The following CUL3 variants were observed in gnomAD, a reference collection of about 807,000 sequenced individuals.
CUL3 encodes the protein cullin-3.
CUL3 carries 19 observed loss-of-function variants against 89.1 expected under a neutral mutation model. The observed-to-expected ratio is 0.21, with a 90% CI of 0.15 to 0.31. The LOEUF is 0.31. Among genes scored for constraint, CUL3 ranks in the 10% least tolerant of loss-of-function variants. CUL3 has a pLI of 1.00. For missense variants in CUL3, 469 were observed against 942.3 expected (o/e 0.50, Z 6.58); for synonymous variants, 351 against 308.4 (o/e 1.14, Z -1.45).
intron 5 of CUL3, among the ~76,000 whole-genome samples, chr2:224,512,221 G>A (rs1483690583): frequency 6.6e-6 from 1 of 151,390 alleles, no homozygotes; most frequent in Non-Finnish European, 1.5e-5. Context: ...TCAGCCTCCC[G>A]AGTAGCTGGG....
chr2:224,581,768 C>A (rs1470842478), intron 1 of CUL3, among the ~76,000 whole-genome samples: 1 of 151,894 alleles, frequency 6.6e-6, no homozygotes, highest in Non-Finnish European at 1.5e-5. Flanking sequence ...CCTTGCCTCT[C>A]CCGAAGTGCT....
intron 3 of CUL3, among the ~76,000 whole-genome samples, chr2:224,525,410 C>T (rs142443745): frequency 6.6e-6 from 1 of 152,220 alleles, no homozygotes; most frequent in East Asian, 1.9e-4. Context: ...TCTTTCTAAC[C>T]TCAGTTTTCC....
intron 10 of CUL3, among the ~76,000 whole-genome samples, 175 bp from the exon 11 acceptor site, chr2:224,500,662 G>A (rs1387829730): frequency 1.5e-5 from 2 of 136,610 alleles, no homozygotes; most frequent in Admixed American, 8.1e-5. Context: ...AGTTTCGCTC[G>A]TTGCCCAGGC....
chr2:224,565,165 CAT>C (rs1559232236), intron 1 of CUL3, among the ~76,000 whole-genome samples: 2 of 152,136 alleles, frequency 1.3e-5, no homozygotes, highest in African/African-American at 2.4e-5. Flanking sequence ...TTACCAATAA[CAT>C]AAACAGTCTA....
At chr2:224,490,273 A>C (rs1691907294) in intron 13 of CUL3, among the ~76,000 whole-genome samples, 1 of 152,132 alleles carries the variant, frequency 6.6e-6, no homozygotes, top group African/African-American at 2.4e-5. Context: ...AAAGTACTAA[A>C]AGTCTCTGAT....
chr2:224,521,132 T>G (rs961220231), intron 3 of CUL3, among the ~76,000 whole-genome samples: 3 of 152,224 alleles, frequency 2.0e-5, no homozygotes, highest in Non-Finnish European at 4.4e-5. Context: ...TAGTAAATAT[T>G]TTTAATAGTC....
At chr2:224,513,733 C>A (rs904996583) in intron 4 of CUL3, 95 bp from the exon 5 acceptor site, 4 of 821,430 alleles carry the variant, frequency 4.9e-6, no homozygotes, top group Non-Finnish European at 7.6e-6. Context: ...ATCTTCAGGA[C>A]ATTTAACTCT....
chr2:224,471,446 A>G lies in CUL3; in HGVS notation c.*2799T>C, dbSNP rs1412647102. The G allele has an allele frequency of 1.0e-5, 2 of 196,962 alleles. No individual in the cohort carries two copies. The highest frequency in any genetic ancestry group is 2.1e-5 in the Non-Finnish European group (2 of 95,162). 12.2% of individuals were successfully genotyped at this position (196,962 alleles called of 1,614,324 possible). On this transcript the variant is annotated 3_prime_UTR_variant, in exon 16 of 16. Coordinates refer to ENST00000264414, the MANE Select transcript of CUL3 (RefSeq NM_003590.5). ...CTAGTCTTCTAGAGATGTAGGCATA[A>G]TCTTAAAACTGGTTCTAGGCCTTTT...
chr2:224,514,482 G>T, intron 4 of CUL3, 130 bp downstream of exon 4: 1 of 713,824 alleles, frequency 1.4e-6, no homozygotes. Context: ...CTGATACTAA[G>T]TTTCTGAGGA....
rs886055682 is a variant in CUL3 at position 224,471,295 on chromosome 2, ACAGG to A, written c.*2946_*2949del. The A allele has an allele frequency of 1.9e-5, 4 of 205,138 alleles. No homozygotes were observed. The highest frequency in any genetic ancestry group is 4.0e-5 in the Non-Finnish European group (4 of 100,328). The allele number at this position is 205,138 out of a possible 1,614,324, so 12.7% of individuals were successfully genotyped here. ...CTATGAAAGTCTTAAGTTACAGTAG[ACAGG>A]CAAAGATAAAAATCTTTAACACTAG... On this transcript the variant is annotated 3_prime_UTR_variant, in exon 16 of 16. Coordinates refer to ENST00000264414, the MANE Select transcript of CUL3 (RefSeq NM_003590.5).
chr2:224,497,282 G>C (rs1301697702), intron 12 of CUL3, among the ~76,000 whole-genome samples: 2 of 152,046 alleles, frequency 1.3e-5, no homozygotes, highest in Non-Finnish European at 2.9e-5. Context: ...TTTTAAAAAT[G>C]AAGGCAAATC....
At chr2:224,548,965 G>A (rs1465723274) in intron 2 of CUL3, among the ~76,000 whole-genome samples, 1 of 151,616 alleles carries the variant, frequency 6.6e-6, no homozygotes, top group Non-Finnish European at 1.5e-5. Context: ...TTGTGCCAAC[G>A]TACTCCAGCC....
In CUL3 at chr2:224,582,564, C is replaced by T. The variant is rs145826034; in HGVS notation, c.66+2380G>A. Among the ~76,000 whole-genome samples the T allele has an allele frequency of 3.0e-4, 45 of 152,254 alleles. 1 individual carries two copies. Among genetic ancestry groups the T allele is most frequent in the Admixed American group, 3.9e-4 (6 of 15,298 alleles). Reference sequence around the variant, plus strand: ...ATCAGCAGCTATTAACTACTGAATACCAAAACTAGTCACTTACTTCATGTA... The same window carrying T: ...ATCAGCAGCTATTAACTACTGAATATCAAAACTAGTCACTTACTTCATGTA... On this transcript the variant is annotated intron_variant, in intron 1 of 15. Coordinates refer to ENST00000264414, the MANE Select transcript of CUL3 (RefSeq NM_003590.5).
At chr2:224,510,040 A>G (rs1692755842) in intron 6 of CUL3, among the ~76,000 whole-genome samples, 1 of 152,160 alleles carries the variant, frequency 6.6e-6, no homozygotes, top group Admixed American at 6.5e-5. Flanking sequence ...TTCAAGTTTC[A>G]GGGCCCATAA....
rs535824202 is a variant in CUL3 at position 224,512,953 on chromosome 2, C to G, written c.654+571G>C. Among the ~76,000 whole-genome samples the G allele has an allele frequency of 6.6e-5, 10 of 152,250 alleles. No individual in the cohort carries two copies. The South Asian group carries it at 1.7e-3, about 25-fold the overall frequency. Reference sequence around the variant, plus strand: ...CCCCTACCACCTTAGACAGCAAGATCAAGCCCTCCTTCTTCTTACTCCTCC... The same window carrying G: ...CCCCTACCACCTTAGACAGCAAGATGAAGCCCTCCTTCTTCTTACTCCTCC... On this transcript the variant is annotated intron_variant, in intron 5 of 15. Transcript: ENST00000264414.
At chr2:224,489,285 G>C (rs1691862422) in intron 13 of CUL3, among the ~76,000 whole-genome samples, 1 of 152,070 alleles carries the variant, frequency 6.6e-6, no homozygotes, top group Admixed American at 6.6e-5. Context: ...AAGAAATAAA[G>C]TATTCAAACA....
intron 2 of CUL3, among the ~76,000 whole-genome samples, chr2:224,546,669 G>GC (rs1694314339): frequency 6.7e-6 from 1 of 148,544 alleles, no homozygotes; most frequent in Admixed American, 6.9e-5. Context: ...AAATAGGATG[G>GC]GGGGGGGTAC....
chr2:224,558,917 G>A lies in CUL3; in HGVS notation c.67-1061C>T, dbSNP rs370565544. On this transcript the variant is annotated intron_variant, in intron 1 of 15. Transcript: ENST00000264414. ...TATACAAAAAAAAGATTAGCCAGGC[G>A]TGGTGGTGGGCGCCTGTAGTCCCAG... 2.1e-3 allele frequency among the ~76,000 whole-genome samples: 320 copies of A among 151,582 alleles called. 4 individuals carry two copies. The highest frequency in any genetic ancestry group is 6.9e-3 in the African/African-American group (285 of 41,250).
chr2:224,487,777 A>C (rs1465392949), intron 13 of CUL3, among the ~76,000 whole-genome samples: 1 of 152,172 alleles, frequency 6.6e-6, no homozygotes, highest in Non-Finnish European at 1.5e-5. Context: ...TCTCCATCCC[A>C]CATCAACAGA....
Sources: gnomAD v4.1 joint callset for allele counts (sites outside exome capture counted in the v4.1 genomes callset) on GRCh38, gnomAD v4.1.1 for gene constraint, MANE v1.5 for transcripts, NCBI Gene and HGNC (gene_info 2026-07-23, HGNC 2026-07-21) for gene names.